KCNMA1: variants seen among roughly 807,000 people sequenced by gnomAD.
KCNMA1 encodes the protein potassium calcium-activated channel subfamily M alpha 1.
In KCNMA1, 29 loss-of-function variants were observed where a neutral mutation model predicts 140.0. That is an observed-to-expected ratio of 0.21 (90% CI 0.15 to 0.28). The LOEUF is 0.28. KCNMA1 is among the 10% of genes least tolerant of loss of function. The probability of loss-of-function intolerance (pLI) is 1.00; values close to 1 mark genes in which losing one functional copy is unlikely to be tolerated. For synonymous variants in KCNMA1, 612 were observed against 611.9 expected, an observed-to-expected ratio of 1.00 and a Z score of 0.00; for missense variants, 880 against 1,602.2, an observed-to-expected ratio of 0.55 and a Z score of 7.70.
At chr10:77,188,368 G>A (rs569535261) in intron 3 of KCNMA1, among the ~76,000 whole-genome samples, 20 of 152,070 alleles carry the variant, frequency 1.3e-4, no homozygotes, top group African/African-American at 3.6e-4. Context: ...AAATTGCTAC[G>A]GGTTAACTAA....
chr10:76,972,985 C>T (rs1003903536), intron 19 of KCNMA1: 3 of 152,148 alleles, frequency 2.0e-5, no homozygotes, highest in Non-Finnish European at 2.9e-5. Context: ...CATTTCATGG[C>T]TTCTGTGACT....
At chr10:77,377,175 G>C (rs2095179461) in intron 2 of KCNMA1, among the ~76,000 whole-genome samples, 1 of 152,230 alleles carries the variant, frequency 6.6e-6, no homozygotes, top group African/African-American at 2.4e-5. Flanking sequence ...ACATTCCAGG[G>C]CAGCTTCCTC....
chr10:77,575,489 T>C (rs1037798249), intron 1 of KCNMA1, among the ~76,000 whole-genome samples: 3 of 152,206 alleles, frequency 2.0e-5, no homozygotes. Context: ...TGCACCTTTC[T>C]GGACAGATGG....
intron 12 of KCNMA1, 108 bp downstream of exon 12, chr10:77,084,529 T>C (rs1208198993): frequency 3.5e-6 from 3 of 855,040 alleles, no homozygotes; most frequent in Non-Finnish European, 5.8e-6. Flanking sequence ...CAGTGGCTTG[T>C]GGGGCAAAAA....
intron 2 of KCNMA1, among the ~76,000 whole-genome samples, chr10:77,359,775 A>G (rs1161890272): frequency 6.6e-6 from 1 of 152,204 alleles, no homozygotes; most frequent in Non-Finnish European, 1.5e-5. Context: ...CAGTGGATCA[A>G]GCTTCACCCT....
intron 25 of KCNMA1, 43 bp downstream of exon 25, chr10:76,909,923 A>G (rs1323453659): frequency 6.2e-7 from 1 of 1,603,272 alleles, no homozygotes; most frequent in Non-Finnish European, 8.5e-7. Context: ...CTATTGGCAC[A>G]TCCTCCACCC....
intron 5 of KCNMA1, among the ~76,000 whole-genome samples, chr10:77,176,421 A>T (rs2098751937): frequency 6.6e-6 from 1 of 152,222 alleles, no homozygotes; most frequent in African/African-American, 2.4e-5. Flanking sequence ...AACAGACAAC[A>T]GGCAAGTCTG....
chr10:77,285,863 G>A (rs145655332), intron 2 of KCNMA1, among the ~76,000 whole-genome samples: 4 of 152,168 alleles, frequency 2.6e-5, no homozygotes, highest in Non-Finnish European at 2.9e-5. Context: ...CTCATGGGTT[G>A]TTCAGATGAT....
chr10:77,301,610 A>G (rs1341107025), intron 2 of KCNMA1, among the ~76,000 whole-genome samples: 1 of 151,940 alleles, frequency 6.6e-6, no homozygotes, highest in African/African-American at 2.4e-5. Flanking sequence ...CAGTCCATCA[A>G]ATCATACACA....
At chr10:77,086,636 G>C (rs369930240) in intron 10 of KCNMA1, 43 bp from the exon 11 acceptor site, 2 of 1,419,940 alleles carry the variant, frequency 1.4e-6, no homozygotes, top group Admixed American at 3.5e-5. Flanking sequence ...TAATGGACTC[G>C]GGGGTTTCAG....
At chr10:77,230,984 C>T (rs1425068880) in intron 3 of KCNMA1, among the ~76,000 whole-genome samples, 1 of 152,128 alleles carries the variant, frequency 6.6e-6, no homozygotes, top group Non-Finnish European at 1.5e-5. Flanking sequence ...TTGCTCATTA[C>T]CGAAGCCACA....
At chr10:77,511,614 C>T (rs1390402953) in intron 1 of KCNMA1, among the ~76,000 whole-genome samples, 2 of 151,994 alleles carry the variant, frequency 1.3e-5, no homozygotes, top group Admixed American at 6.6e-5. Flanking sequence ...ATAAAGCAAG[C>T]AGGATGCTTG....
chr10:77,599,157 A>G (rs2081856380), intron 1 of KCNMA1, among the ~76,000 whole-genome samples: 2 of 152,228 alleles, frequency 1.3e-5, no homozygotes, highest in African/African-American at 4.8e-5. Context: ...ATGCTGTACA[A>G]ATATCATTAG....
chr10:76,996,026 T>C (rs911566984), intron 19 of KCNMA1, among the ~76,000 whole-genome samples: 2 of 152,216 alleles, frequency 1.3e-5, no homozygotes, highest in Admixed American at 1.3e-4. Context: ...CTTCATAGTG[T>C]ATTCATCTTC....
intron 3 of KCNMA1, among the ~76,000 whole-genome samples, chr10:77,235,332 G>A (rs1299057917): frequency 6.6e-6 from 1 of 152,184 alleles, no homozygotes; most frequent in Non-Finnish European, 1.5e-5. Context: ...AGTGCTTTCT[G>A]GCTTTGACCT....
intron 5 of KCNMA1, among the ~76,000 whole-genome samples, chr10:77,161,020 G>A (rs1034055434): frequency 6.6e-6 from 1 of 152,198 alleles, no homozygotes; most frequent in African/African-American, 2.4e-5. Flanking sequence ...GTCCCTCCAA[G>A]GCTCTTTCAT....
At chr10:77,213,624 G>A (rs1023372230) in intron 3 of KCNMA1, among the ~76,000 whole-genome samples, 3 of 152,100 alleles carry the variant, frequency 2.0e-5, no homozygotes, top group Non-Finnish European at 4.4e-5. Flanking sequence ...CCAGCTCTCA[G>A]TCTGCCCTCT....
At chr10:77,601,610 T>C (rs2082667927) in intron 1 of KCNMA1, among the ~76,000 whole-genome samples, 1 of 152,200 alleles carries the variant, frequency 6.6e-6, no homozygotes, top group Admixed American at 6.5e-5. Flanking sequence ...ACAAAGTAGC[T>C]TCTGCATTTG....
At chr10:77,413,474 T>C (rs2096666898) in intron 1 of KCNMA1, among the ~76,000 whole-genome samples, 1 of 152,146 alleles carries the variant, frequency 6.6e-6, no homozygotes, top group African/African-American at 2.4e-5. Flanking sequence ...TATTAGGGTA[T>C]TAGGCAGATT....
Sources: allele counts gnomAD v4.1 joint callset (sites outside exome capture counted in the v4.1 genomes callset), GRCh38; gene constraint gnomAD v4.1.1; transcripts MANE v1.5; gene names NCBI Gene and HGNC (gene_info 2026-07-23, HGNC 2026-07-21).